CELF2: variants seen among roughly 807,000 people sequenced by gnomAD.
The protein encoded by CELF2 is CUG triplet repeat RNA-binding protein 2.
A neutral mutation model predicts 62.6 loss-of-function variants in CELF2; 8 were observed. The observed-to-expected ratio is 0.13, with a 90% CI of 0.07 to 0.23. CELF2 has a LOEUF of 0.23. Ranked by LOEUF, CELF2 falls within the 10% of genes least tolerant of loss-of-function variation. The probability of loss-of-function intolerance (pLI) is 1.00; values close to 1 mark genes in which losing one functional copy is unlikely to be tolerated. For synonymous variants in CELF2, 258 were observed against 250.0 expected, an observed-to-expected ratio of 1.03 and a Z score of -0.30; for missense variants, 333 against 671.0, an observed-to-expected ratio of 0.50 and a Z score of 5.56.
intron 2 of CELF2, among the ~76,000 whole-genome samples, chr10:11,169,981 G>A (rs892321869): frequency 6.6e-6 from 1 of 152,184 alleles, no homozygotes; most frequent in Non-Finnish European, 1.5e-5. Flanking sequence ...GAAAAACCAT[G>A]GGATTTGGTG....
chr10:11,249,353 G>A, intron 4 of CELF2, 152 bp downstream of exon 4: 2 of 647,544 alleles, frequency 3.1e-6, no homozygotes, highest in South Asian at 1.8e-5. Flanking sequence ...CTGTGTGTCT[G>A]GAGTAATGCA....
chr10:10,740,588 C>G, the CELF2 span, among the ~76,000 whole-genome samples: 1 of 151,606 alleles, frequency 6.6e-6, no homozygotes, highest in Non-Finnish European at 1.5e-5. Context: ...CCCGCCCTCC[C>G]AAAAAAAAGA....
In CELF2 at chr10:10,837,063, T is replaced by C. The variant is rs1360322790; in HGVS notation, c.53+38246T>C. Among the ~76,000 whole-genome samples the C allele has an allele frequency of 2.6e-5, 4 of 152,324 alleles. No homozygotes were observed. In the East Asian group the frequency reaches 7.7e-4, roughly 29 times the overall value. On this transcript the variant is annotated intron_variant, in intron 1 of 13. Transcript: ENST00000636488. The stretch of plus-strand genomic sequence containing the variant: ...ACACCAGGAATTCCCTGCTCACTCC[T>C]TTGTGCCGCACTCCTACGTTGTCAT...
chr10:11,153,112 C>T (rs2063642174), intron 1 of CELF2, among the ~76,000 whole-genome samples: 1 of 152,240 alleles, frequency 6.6e-6, no homozygotes, highest in South Asian at 2.1e-4. Context: ...GCCGTTGGCT[C>T]ATGCCTAATT....
At chr10:11,024,450 A>C (rs2058809280) in intron 1 of CELF2, among the ~76,000 whole-genome samples, 1 of 152,000 alleles carries the variant, frequency 6.6e-6, no homozygotes, top group Admixed American at 6.6e-5. Flanking sequence ...AAAATACAAA[A>C]ATTAGTTCGC....
At chr10:11,131,452 T>C (rs929937702) in intron 1 of CELF2, among the ~76,000 whole-genome samples, 6 of 152,242 alleles carry the variant, frequency 3.9e-5, no homozygotes, top group Admixed American at 2.6e-4. Context: ...GGGGTTATCC[T>C]GGACTTGATA....
intron 3 of CELF2, among the ~76,000 whole-genome samples, chr10:11,232,719 G>A (rs188224762): frequency 1.5e-3 from 223 of 152,296 alleles, no homozygotes; most frequent in Non-Finnish European, 2.6e-3. Flanking sequence ...TGCTTCAGAG[G>A]AGTTAGCCCA....
At chr10:11,054,715 C>G (rs1261035041) in intron 1 of CELF2, among the ~76,000 whole-genome samples, 1 of 152,100 alleles carries the variant, frequency 6.6e-6, no homozygotes, top group African/African-American at 2.4e-5. Context: ...AAAAGACTTT[C>G]TTTTCTAGTG....
chr10:11,276,905 G>A (rs1234249787), intron 8 of CELF2, among the ~76,000 whole-genome samples: 2 of 152,332 alleles, frequency 1.3e-5, no homozygotes, highest in African/African-American at 2.4e-5. Flanking sequence ...ACAAGGTGCC[G>A]AGGAGCAGAT....
At chr10:10,623,916 G>A in the CELF2 span, among the ~76,000 whole-genome samples, 5,294 of 152,240 alleles carry the variant, frequency 0.035, 203 homozygotes, top group African/African-American at 0.098. Context: ...AGCCTGGCCC[G>A]GAACCCAGGT....
At chr10:10,634,687 A>G in the CELF2 span, among the ~76,000 whole-genome samples, 1 of 144,040 alleles carries the variant, frequency 6.9e-6, no homozygotes, top group South Asian at 2.2e-4. Flanking sequence ...TTTTAAATGG[A>G]GTCTCACTCT....
chr10:10,893,145 G>C (rs2062270999), intron 1 of CELF2, among the ~76,000 whole-genome samples: 1 of 152,150 alleles, frequency 6.6e-6, no homozygotes, highest in African/African-American at 2.4e-5. Context: ...AATTAATCCA[G>C]CCCAAATCCC....
the CELF2 span, among the ~76,000 whole-genome samples, chr10:10,535,710 C>T: frequency 6.6e-6 from 1 of 152,064 alleles, no homozygotes; most frequent in South Asian, 2.1e-4. Context: ...CAGAGTGAGA[C>T]TCTTTGTCTC....
At chr10:10,984,884 G>A (rs2052555165) in intron 2 of CELF2, among the ~76,000 whole-genome samples, 1 of 152,114 alleles carries the variant, frequency 6.6e-6, no homozygotes. Context: ...AGCACAAAAT[G>A]TTTCTTTCTC....
intron 1 of CELF2, among the ~76,000 whole-genome samples, chr10:11,054,319 T>C (rs1313907149): frequency 6.6e-6 from 1 of 152,228 alleles, no homozygotes; most frequent in East Asian, 1.9e-4. Context: ...ATCCCATAGT[T>C]ACTGTGGTCT....
At chr10:10,634,781 C>A in the CELF2 span, among the ~76,000 whole-genome samples, 1 of 151,910 alleles carries the variant, frequency 6.6e-6, no homozygotes, top group South Asian at 2.1e-4. Context: ...CCTGTCTCAG[C>A]CTCCCGAGTA....
chr10:10,895,037 A>C (rs1314462395), intron 1 of CELF2, among the ~76,000 whole-genome samples: 1 of 152,202 alleles, frequency 6.6e-6, no homozygotes, highest in African/African-American at 2.4e-5. Context: ...GTGATATCAC[A>C]TTAAATCCTT....
intron 3 of CELF2, among the ~76,000 whole-genome samples, chr10:11,222,222 G>A (rs746834372): frequency 6.6e-5 from 10 of 152,292 alleles, no homozygotes; most frequent in Admixed American, 2.0e-4. Context: ...TAATGCATTT[G>A]GAGGTGTTCA....
In CELF2 at chr10:11,117,091, C is replaced by T. The variant is rs1233308825; in HGVS notation, c.75-48395C>T. Among the ~76,000 whole-genome samples, 2 of 152,224 alleles carry T rather than the reference C, an allele frequency of 1.3e-5. No homozygotes were observed. Among genetic ancestry groups the T allele is most frequent in the Non-Finnish European group, 2.9e-5 (2 of 68,040 alleles). On this transcript the variant is annotated intron_variant, in intron 1 of 12. Coordinates refer to ENST00000633077, the MANE Select transcript of CELF2 (RefSeq NM_001326342.2). The surrounding 1 kb of genome is among the most constrained non-coding windows in gnomAD (Gnocchi z 4.1). Reference sequence around the variant, plus strand: ...GGCTTCAGAATCCACACTCAAGCCACTATGCTGTGCTGCTTCTGAGTAATA... The same window carrying T: ...GGCTTCAGAATCCACACTCAAGCCATTATGCTGTGCTGCTTCTGAGTAATA...
Sources: gnomAD v4.1 joint callset for allele counts (sites outside exome capture counted in the v4.1 genomes callset) on GRCh38, gnomAD v4.1.1 for gene constraint, Gnocchi (gnomAD v3.1) non-coding constraint, MANE v1.5 for transcripts, NCBI Gene and HGNC (gene_info 2026-07-23, HGNC 2026-07-21) for gene names.